ATP13A4: variants seen among roughly 807,000 people sequenced by gnomAD.
ATP13A4 encodes the protein ATPase 13A4.
Under a neutral mutation model 142.5 loss-of-function variants are expected in ATP13A4, and 114 were observed. The ratio of observed to expected loss-of-function variants is 0.80; its 90% CI spans 0.69 to 0.93. ATP13A4 has a LOEUF of 0.93. ATP13A4 is among the 40% of genes least tolerant of loss of function. The pLI, the probability that ATP13A4 is intolerant of heterozygous loss-of-function variation, is 0.00. For missense variants in ATP13A4, 1,392 were observed against 1,454.0 expected, an observed-to-expected ratio of 0.96 and a Z score of 0.69; for synonymous variants, 488 against 514.8, an observed-to-expected ratio of 0.95 and a Z score of 0.70.
chr3:193,430,534 G>C (rs1715911902), intron 25 of ATP13A4, among the ~76,000 whole-genome samples: 2 of 152,078 alleles, frequency 1.3e-5, no homozygotes, highest in African/African-American at 4.8e-5. Flanking sequence ...ATAGAGAACT[G>C]GCTTCTTCAC....
intron 2 of ATP13A4, 126 bp from the exon 3 acceptor site, chr3:193,502,765 A>G: frequency 9.8e-7 from 1 of 1,024,318 alleles, no homozygotes; most frequent in Non-Finnish European, 1.5e-6. Flanking sequence ...TCTAGACAGA[A>G]CGGTTTGTCT....
rs114523863 is a variant in ATP13A4 at position 193,495,346 on chromosome 3, T to G, written c.382-2186A>C. Among the ~76,000 whole-genome samples the G allele has an allele frequency of 2.3e-3, 350 of 152,028 alleles. 3 individuals carry two copies. Among genetic ancestry groups the G allele is most frequent in the African/African-American group, 7.5e-3 (312 of 41,514 alleles). On this transcript the variant is annotated intron_variant, in intron 3 of 29. Transcript: ENST00000342695. Reference sequence around the variant, plus strand: ...CTGACAAACCTAGAAGCAAAAATTGTCAACAAAATTAAAGTTAACAGCACA... The same window carrying G: ...CTGACAAACCTAGAAGCAAAAATTGGCAACAAAATTAAAGTTAACAGCACA...
chr3:193,552,237 G>A (rs1723621310), intron 1 of ATP13A4, among the ~76,000 whole-genome samples: 1 of 152,216 alleles, frequency 6.6e-6, no homozygotes, highest in African/African-American at 2.4e-5. Flanking sequence ...CTCCCAAAGT[G>A]CTGGGATTAC....
intron 18 of ATP13A4, among the ~76,000 whole-genome samples, chr3:193,442,954 A>C (rs912536946): frequency 3.9e-5 from 6 of 152,126 alleles, no homozygotes; most frequent in Admixed American, 3.9e-4. Flanking sequence ...ACAATGGAAA[A>C]CTCTGAACAA....
Position 193,407,531 on chromosome 3 carries a change from T to A in ATP13A4, c.3298-138A>T, listed in dbSNP as rs1576930102. 5.4e-6 allele frequency: 3 copies of A among 560,052 alleles called. No individual in the cohort carries two copies. The East Asian group carries it at 1.1e-4, about 21-fold the overall frequency. The allele number at this position is 560,052 out of a possible 1,614,324, so 34.7% of individuals were successfully genotyped here. A position where few individuals can be genotyped will look rare whatever the true frequency, so the allele number is the denominator to read the frequency against. ...ATGTGTGTATATTACATATATCTTATATATATAAAAAATTTCTATGCTTGT... is the reference window on the plus strand; with the variant it reads ...ATGTGTGTATATTACATATATCTTAAATATATAAAAAATTTCTATGCTTGT... On this transcript the variant is annotated intron_variant, in intron 28 of 29. Transcript: ENST00000342695.
At chr3:193,495,323 G>A (rs1720164878) in intron 3 of ATP13A4, among the ~76,000 whole-genome samples, 1 of 152,002 alleles carries the variant, frequency 6.6e-6, no homozygotes, top group African/African-American at 2.4e-5. Context: ...CAATATTCCT[G>A]ACAAACCTAG....
intron 18 of ATP13A4, among the ~76,000 whole-genome samples, chr3:193,444,016 A>T (rs1194039073): frequency 2.6e-5 from 4 of 152,160 alleles, no homozygotes; most frequent in Admixed American, 1.3e-4. Flanking sequence ...AAGAAAAAAA[A>T]ATTGACAAAA....
At position 193,440,603 on chromosome 3, in the gene ATP13A4, G is replaced by C; in HGVS notation, c.2474C>G (p.Ser825Cys). The C allele has an allele frequency of 6.2e-7, 1 of 1,614,026 alleles. No homozygotes were observed. Among genetic ancestry groups the C allele is most frequent in the Non-Finnish European group, 8.5e-7 (1 of 1,179,936 alleles). The change falls in exon 21 of 30, where the codon TCT (serine) becomes TGT (cysteine). Residue 825 changes from serine to cysteine, a missense_variant. Ser to Cys is a moderately radical substitution (Grantham distance 112). Transcript: ENST00000342695. ...CACCAGACTGGACTTCTGCCCAGGA[G>C]ACATTCTTGCAAAGATGGTCCCATT... ...LINGTIFARM[S>C]PGQKSSLVEE... is the part of the protein sequence containing the mutation.
chr3:193,583,738 A>C (rs919508722), intron 1 of ATP13A4, among the ~76,000 whole-genome samples: 6 of 152,174 alleles, frequency 3.9e-5, no homozygotes, highest in Non-Finnish European at 5.9e-5. Context: ...AGAAAGCAAT[A>C]AAAATAAGTA....
chr3:193,590,662 C>G (rs1358428732), intron 1 of ATP13A4, among the ~76,000 whole-genome samples: 1 of 152,146 alleles, frequency 6.6e-6, no homozygotes, highest in Non-Finnish European at 1.5e-5. Context: ...CATTCCTCCC[C>G]AAAGTTCATT....
intron 5 of ATP13A4, 71 bp downstream of exon 5, chr3:193,492,842 CTATT>C (rs1329792233): frequency 2.8e-6 from 3 of 1,081,686 alleles, no homozygotes; most frequent in Non-Finnish European, 4.3e-6. Flanking sequence ...ATTAAGATAA[CTATT>C]TACTAGCTGT....
rs991843004 is a variant in ATP13A4 at position 193,399,808 on chromosome 3, T to G, written c.*2844A>C. ...TGGCAGTGAGCCGAGATTGTGCCAC[T>G]GCACTCTAGCCTGGGCAACAGAGTG... On this transcript the variant is annotated 3_prime_UTR_variant, in exon 30 of 30. Transcript: ENST00000342695. Among the ~76,000 whole-genome samples, 1 of 121,632 alleles carries G rather than the reference T, an allele frequency of 8.2e-6. No individual in the cohort carries two copies. Among genetic ancestry groups the G allele is most frequent in the African/African-American group, 3.2e-5 (1 of 31,560 alleles). 79.8% of individuals were successfully genotyped at this position (121,632 alleles called of 152,430 possible).
intron 28 of ATP13A4, among the ~76,000 whole-genome samples, chr3:193,408,419 AT>A (rs1306179720): frequency 1.3e-5 from 2 of 152,234 alleles, no homozygotes; most frequent in African/African-American, 4.8e-5. Context: ...TACATAAAAT[AT>A]TATATTAGCA....
At position 193,401,541 on chromosome 3, in the gene ATP13A4, T is replaced by C. The variant is rs1429151561; in HGVS notation, c.*1111A>G. 2.6e-5 allele frequency among the ~76,000 whole-genome samples: 4 copies of C among 152,064 alleles called. No homozygotes were observed. Among genetic ancestry groups the C allele is most frequent in the African/African-American group, 7.2e-5 (3 of 41,410 alleles). On this transcript the variant is annotated 3_prime_UTR_variant, in exon 30 of 30. Transcript: ENST00000342695. ...TGTGACATGAGAGATTCCTAAAACA[T>C]AGGATAAGTTACTGGGGTTAGGAAA...
chr3:193,584,615 A>ATTTTT (rs150108003), intron 1 of ATP13A4, among the ~76,000 whole-genome samples: 153 of 148,786 alleles, frequency 1.0e-3, no homozygotes, highest in African/African-American at 3.7e-3. Context: ...CTTTTCTTCT[A>ATTTTT]TTTTTTTTTT....
intron 1 of ATP13A4, among the ~76,000 whole-genome samples, chr3:193,524,986 G>A (rs1203864610): frequency 6.6e-6 from 1 of 152,036 alleles, no homozygotes; most frequent in Non-Finnish European, 1.5e-5. Context: ...GATTTTTTCT[G>A]GTTTGTTTAT....
At chr3:193,472,659 T>C (rs115744705) in intron 8 of ATP13A4, among the ~76,000 whole-genome samples, 130 of 152,274 alleles carry the variant, frequency 8.5e-4, no homozygotes, top group African/African-American at 3.1e-3. Context: ...GTGTAAGTGC[T>C]TAGATAACAT....
Position 193,410,294 on chromosome 3 carries a change from C to CA in ATP13A4, c.3297+687dup, listed in dbSNP as rs5855486. On this transcript the variant is annotated intron_variant, in intron 28 of 29. Transcript: ENST00000342695. The stretch of plus-strand genomic sequence containing the variant: ...AAAAAATACATAAATATATGATAAC[C>CA]AAAAAAAAAGCTATAGGCAAAACAG... 6.7e-5 allele frequency among the ~76,000 whole-genome samples: 10 copies of CA among 149,416 alleles called. No individual in the cohort carries two copies. In the South Asian group the frequency reaches 1.5e-3, roughly 22 times the overall value.
rs146737394 is a variant in ATP13A4, at chr3:193,465,780, A to C, written c.1272+245T>G. On this transcript the variant is annotated intron_variant, in intron 11 of 29. Coordinates refer to ENST00000342695, the MANE Select transcript of ATP13A4 (RefSeq NM_032279.4). ...AAAAATGGTATAAAGTGTGAGGAAA[A>C]GAGAAGTACACTGATATATCAATAA... Among the ~76,000 whole-genome samples the C allele has an allele frequency of 5.3e-5, 8 of 152,340 alleles. No individual in the cohort carries two copies. In the East Asian group the frequency reaches 1.5e-3, roughly 29 times the overall value.
Sources: gnomAD v4.1 joint callset for allele counts (sites outside exome capture counted in the v4.1 genomes callset) on GRCh38, gnomAD v4.1.1 for gene constraint, MANE v1.5 for transcripts, NCBI Gene and HGNC (gene_info 2026-07-23, HGNC 2026-07-21) for gene names.